EPHA5: variants seen among roughly 807,000 people sequenced by gnomAD.
The protein encoded by EPHA5 is ephrin type-A receptor 5.
EPHA5 carries 60 observed loss-of-function variants against 105.0 expected under a neutral mutation model. The ratio of observed to expected loss-of-function variants is 0.57; its 90% CI spans 0.46 to 0.71. The LOEUF is 0.71. Among genes scored for constraint, EPHA5 ranks in the 30% least tolerant of loss-of-function variants. The pLI is 0.00. For missense variants in EPHA5, 1,218 were observed against 1,274.7 expected (o/e 0.96, Z 0.68); for synonymous variants, 513 against 449.1 (o/e 1.14, Z -1.80).
At chr4:65,662,688 A>C (rs2149552871) in intron 1 of EPHA5, among the ~76,000 whole-genome samples, 1 of 152,316 alleles carries the variant, frequency 6.6e-6, no homozygotes, top group Admixed American at 6.5e-5. Flanking sequence ...ATGTAAAATT[A>C]GAATATGTGA....
intron 3 of EPHA5, among the ~76,000 whole-genome samples, chr4:65,568,903 A>G (rs1739833213): frequency 6.6e-6 from 1 of 151,126 alleles, no homozygotes; most frequent in Non-Finnish European, 1.5e-5. Context: ...AAGAATCAGT[A>G]TATATTCTAA....
intron 10 of EPHA5, among the ~76,000 whole-genome samples, chr4:65,365,689 A>ATATATATATATAT (rs765636669): frequency 1.5e-4 from 14 of 93,808 alleles, no homozygotes; most frequent in Non-Finnish European, 2.7e-4. Flanking sequence ...ATATATATAT[A>ATATATATATATAT]GTGAAACATT....
At chr4:65,624,765 A>G (rs184406879) in intron 2 of EPHA5, among the ~76,000 whole-genome samples, 2 of 152,310 alleles carry the variant, frequency 1.3e-5, no homozygotes, top group East Asian at 3.9e-4. Context: ...TGACCCAGGA[A>G]CCAAACTGTT....
intron 3 of EPHA5, among the ~76,000 whole-genome samples, chr4:65,538,513 G>A (rs1402743167): frequency 1.3e-5 from 2 of 151,658 alleles, no homozygotes; most frequent in Non-Finnish European, 3.0e-5. Flanking sequence ...TCATCTAGAA[G>A]TCACCCCGTA....
chr4:65,573,910 T>C (rs1740515206), intron 3 of EPHA5: 6 of 1,609,430 alleles, frequency 3.7e-6, no homozygotes, highest in Non-Finnish European at 5.1e-6. Flanking sequence ...GGGACCATTC[T>C]GATCATCCTC....
chr4:65,628,154 A>G (rs1424236074), intron 2 of EPHA5, among the ~76,000 whole-genome samples: 2 of 152,148 alleles, frequency 1.3e-5, no homozygotes, highest in East Asian at 3.9e-4. Context: ...CTTGGCTAAT[A>G]ATATGAAGAA....
intron 5 of EPHA5, among the ~76,000 whole-genome samples, chr4:65,443,745 T>C (rs919548832): frequency 6.6e-6 from 1 of 152,184 alleles, no homozygotes; most frequent in Non-Finnish European, 1.5e-5. Flanking sequence ...CTTTCTAGTC[T>C]CCTTTGCATT....
intron 2 of EPHA5, among the ~76,000 whole-genome samples, chr4:65,633,003 G>C (rs1049233322): frequency 6.6e-6 from 1 of 151,998 alleles, no homozygotes; most frequent in African/African-American, 2.4e-5. Context: ...GGAAAGTATT[G>C]GGGGATATAG....
At chr4:65,517,514 C>A (rs913310382) in intron 3 of EPHA5, among the ~76,000 whole-genome samples, 1 of 151,870 alleles carries the variant, frequency 6.6e-6, no homozygotes, top group East Asian at 1.9e-4. Context: ...AGCCAGTTAT[C>A]ATGTAATGTA....
intron 1 of EPHA5, among the ~76,000 whole-genome samples, chr4:65,661,579 C>T (rs1052806218): frequency 6.6e-6 from 1 of 152,152 alleles, no homozygotes; most frequent in Non-Finnish European, 1.5e-5. Context: ...AGTGAGATGA[C>T]AGTGCATTGT....
chr4:65,434,888 G>A (rs568059891), intron 5 of EPHA5, among the ~76,000 whole-genome samples: 1 of 152,134 alleles, frequency 6.6e-6, no homozygotes, highest in South Asian at 2.1e-4. Flanking sequence ...AGACTTTTAT[G>A]TGATTTTTTC....
chr4:65,446,763 T>C (rs2149097734), intron 5 of EPHA5, among the ~76,000 whole-genome samples: 1 of 152,280 alleles, frequency 6.6e-6, no homozygotes, highest in Admixed American at 6.5e-5. Flanking sequence ...CATTGTATGA[T>C]ATTGAGATAC....
intron 1 of EPHA5, among the ~76,000 whole-genome samples, chr4:65,645,450 G>C (rs1335610895): frequency 6.6e-6 from 1 of 152,008 alleles, no homozygotes; most frequent in East Asian, 1.9e-4. Context: ...GATGTGCATA[G>C]GAATTCCAGG....
intron 5 of EPHA5, among the ~76,000 whole-genome samples, chr4:65,466,693 T>C (rs1438589070): frequency 6.6e-6 from 1 of 152,190 alleles, no homozygotes; most frequent in African/African-American, 2.4e-5. Flanking sequence ...ATAGTTAGAA[T>C]TCACTGGATG....
intron 5 of EPHA5, among the ~76,000 whole-genome samples, chr4:65,463,698 T>C (rs1728336427): frequency 6.6e-6 from 1 of 152,130 alleles, no homozygotes; most frequent in Non-Finnish European, 1.5e-5. Context: ...AAATATTGTC[T>C]ACAAGGTGAG....
intron 7 of EPHA5, among the ~76,000 whole-genome samples, chr4:65,407,696 A>G (rs906388283): frequency 4.6e-5 from 7 of 150,794 alleles, no homozygotes; most frequent in Middle Eastern, 3.5e-3. Flanking sequence ...ATTTATTTAT[A>G]TAATTTTATT....
chr4:65,486,133 T>A (rs1459261986), intron 5 of EPHA5, among the ~76,000 whole-genome samples: 1 of 152,174 alleles, frequency 6.6e-6, no homozygotes, highest in Non-Finnish European at 1.5e-5. Flanking sequence ...TTTATTTTTA[T>A]AATAAGAAAA....
At position 65,439,444 on chromosome 4, in the gene EPHA5, G is replaced by A. The variant is rs181266514; in HGVS notation, c.1403-18879C>T. On this transcript the variant is annotated intron_variant, in intron 5 of 16. Coordinates refer to ENST00000613740, the MANE Select transcript of EPHA5 (RefSeq NM_001281766.3). ...CATCTCCACCCCCACACCACCCCCCGCTGCCCCATACCCTGCTTTGGGATA... is the reference window on the plus strand; with the variant it reads ...CATCTCCACCCCCACACCACCCCCCACTGCCCCATACCCTGCTTTGGGATA... Among the ~76,000 whole-genome samples, 11 of 65,264 alleles carry A rather than the reference G, an allele frequency of 1.7e-4. No homozygotes were observed. In the East Asian group the frequency reaches 5.3e-3, roughly 31 times the overall value. The allele number at this position is 65,264 out of a possible 152,430, so 42.8% of individuals were successfully genotyped here. A position where few individuals can be genotyped will look rare whatever the true frequency, so the allele number is the denominator to read the frequency against.
intron 1 of EPHA5, among the ~76,000 whole-genome samples, chr4:65,655,782 A>G (rs1347821506): frequency 6.6e-6 from 1 of 152,104 alleles, no homozygotes; most frequent in Admixed American, 6.6e-5. Flanking sequence ...ATAATTAACA[A>G]TATTCTGAGG....
Sources: gnomAD v4.1 joint callset for allele counts (sites outside exome capture counted in the v4.1 genomes callset) on GRCh38, gnomAD v4.1.1 for gene constraint, MANE v1.5 for transcripts, NCBI Gene and HGNC (gene_info 2026-07-23, HGNC 2026-07-21) for gene names.